The following CUL2 variants were observed in gnomAD, a reference collection of about 807,000 sequenced individuals.
CUL2 encodes the protein cullin-2.
Under a neutral mutation model 110.2 loss-of-function variants are expected in CUL2, and 22 were observed. The ratio of observed to expected loss-of-function variants is 0.20; its 90% confidence interval spans 0.14 to 0.28. CUL2 has a LOEUF of 0.28. Among genes scored for constraint, CUL2 ranks in the 10% least tolerant of loss-of-function variants. The pLI, the probability that CUL2 is intolerant of heterozygous loss-of-function variation, is 1.00. For missense variants in CUL2, 631 were observed against 905.5 expected, an observed-to-expected ratio of 0.70 and a Z score of 3.89; for synonymous variants, 279 against 293.2, an observed-to-expected ratio of 0.95 and a Z score of 0.49.
At chr10:35,061,329 C>A (rs1312778716) in intron 3 of CUL2, among the ~76,000 whole-genome samples, 4 of 151,780 alleles carry the variant, frequency 2.6e-5, no homozygotes, top group African/African-American at 9.7e-5. Context: ...AAAAAATTAG[C>A]CAGCCGTGGT....
chr10:35,044,706 G>T, intron 7 of CUL2, 30 bp from the exon 8 acceptor site: 5 of 1,586,382 alleles, frequency 3.2e-6, no homozygotes, highest in Non-Finnish European at 4.3e-6. Flanking sequence ...CATATTAGAA[G>T]AAATTAGAAC....
At chr10:35,092,031 C>T (rs562962149), upstream of CUL2, among the ~76,000 whole-genome samples, 96 of 152,200 alleles carry the variant, frequency 6.3e-4, no homozygotes, top group African/African-American at 2.0e-3. Flanking sequence ...TAGCTCACTG[C>T]GGCCTCAAAC....
intron 8 of CUL2, among the ~76,000 whole-genome samples, chr10:35,042,239 A>G (rs991120775): frequency 6.6e-6 from 1 of 152,008 alleles, no homozygotes; most frequent in Non-Finnish European, 1.5e-5. Flanking sequence ...GATATTTCCT[A>G]TAAATTGAAC....
At chr10:35,039,302 A>C (rs2085715381) in intron 8 of CUL2, among the ~76,000 whole-genome samples, 1 of 152,256 alleles carries the variant, frequency 6.6e-6, no homozygotes, top group Admixed American at 6.5e-5. Flanking sequence ...TATAAGCAAG[A>C]ACTAAAGTTA....
intron 3 of CUL2, among the ~76,000 whole-genome samples, chr10:35,061,402 T>A (rs1247030112): frequency 7.7e-6 from 1 of 130,572 alleles, no homozygotes; most frequent in Non-Finnish European, 1.6e-5. Flanking sequence ...TTGAACCCGA[T>A]CGCACCGAGA....
intron 1 of CUL2, among the ~76,000 whole-genome samples, chr10:35,111,279 T>C (rs187660766): frequency 9.1e-4 from 137 of 151,260 alleles, no homozygotes; most frequent in African/African-American, 3.0e-3. Flanking sequence ...TTGATTCGGG[T>C]TCTGGTTCTG....
intron 2 of CUL2, among the ~76,000 whole-genome samples, chr10:35,069,136 G>A (rs1351013658): frequency 6.6e-6 from 1 of 152,068 alleles, no homozygotes; most frequent in Non-Finnish European, 1.5e-5. Context: ...CAAACTGCTT[G>A]AATTGTAGGC....
intron 4 of CUL2, 141 bp from the exon 5 acceptor site, chr10:35,054,680 T>G: frequency 2.0e-6 from 1 of 500,944 alleles, no homozygotes; most frequent in Non-Finnish European, 3.5e-6. Context: ...AAATGAATTA[T>G]GTAGAGATTA....
At chr10:35,070,603 A>G (rs775637319) in intron 2 of CUL2, among the ~76,000 whole-genome samples, 4 of 152,168 alleles carry the variant, frequency 2.6e-5, no homozygotes, top group Non-Finnish European at 5.9e-5. Context: ...ATTGTTACAT[A>G]AAACTCTCAA....
intron 16 of CUL2, among the ~76,000 whole-genome samples, chr10:35,025,648 G>A (rs1215338503): frequency 3.9e-5 from 6 of 152,084 alleles, no homozygotes; most frequent in African/African-American, 1.2e-4. Context: ...AAGTTTTAGG[G>A]TATATCTCTG....
At chr10:35,039,228 C>A in intron 8 of CUL2, 146 bp from the exon 9 acceptor site, 1 of 480,144 alleles carries the variant, frequency 2.1e-6, no homozygotes, top group Admixed American at 4.0e-5. Context: ...TTTAAACCCA[C>A]ATTCTATAAA....
rs2085034723 is a variant in CUL2 at position 35,016,402 on chromosome 10, TAAAACA to T, written c.1685-14_1685-9del. ...AGTTCATTTTAACTTCACCTACAATTAAAACAAAAACTGACAGTGAATTGACCATTC... is the reference window on the plus strand; with the variant it reads ...AGTTCATTTTAACTTCACCTACAATTAAAACTGACAGTGAATTGACCATTC... On this transcript the variant is annotated splice_polypyrimidine_tract_variant and intron_variant, in intron 17 of 20. Coordinates refer to ENST00000374749, the MANE Select transcript of CUL2 (RefSeq NM_003591.4). The T allele has an allele frequency of 3.2e-6, 5 of 1,582,460 alleles. No homozygotes were observed. The highest frequency in any genetic ancestry group is 4.3e-6 in the Non-Finnish European group (5 of 1,158,782).
intron 1 of CUL2, among the ~76,000 whole-genome samples, chr10:35,117,581 C>T (rs2087624701): frequency 6.6e-6 from 1 of 150,992 alleles, no homozygotes. Context: ...GCAAAAATAG[C>T]ACAAGTATTG....
intron 17 of CUL2, among the ~76,000 whole-genome samples, chr10:35,019,016 A>T (rs1217957524): frequency 6.6e-6 from 1 of 152,214 alleles, no homozygotes. Flanking sequence ...GCTTGTGCAA[A>T]AAATTATCAT....
rs1588971462 is a variant in CUL2 at position 35,032,428 on chromosome 10, A to G, written c.1170+7T>C. The G allele has an allele frequency of 1.3e-6, 2 of 1,590,692 alleles. No individual in the cohort carries two copies. Among genetic ancestry groups the G allele is most frequent in the East Asian group, 2.3e-5 (1 of 43,042 alleles). On this transcript the variant is annotated splice_region_variant and intron_variant, in intron 12 of 20. Coordinates refer to ENST00000374749, the MANE Select transcript of CUL2 (RefSeq NM_003591.4). ...TAAGATTACTTTTCAGCAACCACCA[A>G]ACTTACCAGTTCAGGTGCTTTGCAA...
rs1381900716 is a variant in CUL2 at position 35,009,485 on chromosome 10, A to G, written c.*826T>C. Reference sequence around the variant, plus strand: ...TAGTCTATGCTAGAATTAATGGATTATGCAACCGAAGAAAGACAACTTTTG... The same window carrying G: ...TAGTCTATGCTAGAATTAATGGATTGTGCAACCGAAGAAAGACAACTTTTG... On this transcript the variant is annotated 3_prime_UTR_variant, in exon 21 of 21. Transcript: ENST00000374749. The G allele has an allele frequency of 6.6e-6, 1 of 151,658 alleles. No individual in the cohort carries two copies. Among genetic ancestry groups the G allele is most frequent in the Non-Finnish European group, 1.5e-5 (1 of 68,022 alleles). The allele number at this position is 151,658 out of a possible 1,614,324, so 9.4% of individuals were successfully genotyped here.
chr10:35,121,919 T>C (rs1426998987), intron 1 of CUL2, among the ~76,000 whole-genome samples: 1 of 152,244 alleles, frequency 6.6e-6, no homozygotes, highest in African/African-American at 2.4e-5. Context: ...GTGATAGTTT[T>C]AAGTAGTTTC....
intron 1 of CUL2, among the ~76,000 whole-genome samples, chr10:35,119,311 A>G (rs2135144900): frequency 6.6e-6 from 1 of 152,318 alleles, no homozygotes; most frequent in Middle Eastern, 3.4e-3. Flanking sequence ...GGAGGTAAAT[A>G]CTAAACAAAG....
At chr10:35,085,962 C>A (rs2087053976) in intron 1 of CUL2, among the ~76,000 whole-genome samples, 1 of 152,074 alleles carries the variant, frequency 6.6e-6, no homozygotes, top group Admixed American at 6.6e-5. Flanking sequence ...ACACAATATA[C>A]CCGGGTAACA....
Sources: gnomAD v4.1 joint callset for allele counts (sites outside exome capture counted in the v4.1 genomes callset) on GRCh38, gnomAD v4.1.1 for gene constraint, MANE v1.5 for transcripts, NCBI Gene and HGNC (gene_info 2026-07-23, HGNC 2026-07-21) for gene names.